Variants in PDZRN3 observed in about 807,000 individuals in gnomAD.
PDZRN3 encodes PDZ domain containing ring finger 3.
In PDZRN3, 38 loss-of-function variants were observed where a neutral mutation model predicts 85.7. The ratio of observed to expected loss-of-function variants is 0.44; its 90% CI spans 0.34 to 0.58. The LOEUF is 0.58. Ranked by LOEUF, PDZRN3 falls within the 20% of genes least tolerant of loss-of-function variation. The probability of loss-of-function intolerance (pLI) is 0.01; values close to 1 mark genes in which losing one functional copy is unlikely to be tolerated. For missense variants in PDZRN3, 1,629 were observed against 1,506.4 expected, an observed-to-expected ratio of 1.08 and a Z score of -1.35; for synonymous variants, 759 against 638.0, an observed-to-expected ratio of 1.19 and a Z score of -2.86.
At chr3:73,562,422 T>C (rs1272487352) in intron 3 of PDZRN3, among the ~76,000 whole-genome samples, 1 of 152,140 alleles carries the variant, frequency 6.6e-6, no homozygotes, top group Non-Finnish European at 1.5e-5. Context: ...TTCATTAGAT[T>C]GAAATTAGAC....
intron 3 of PDZRN3, among the ~76,000 whole-genome samples, chr3:73,425,838 A>T (rs922746392): frequency 6.6e-6 from 1 of 152,236 alleles, no homozygotes; most frequent in Non-Finnish European, 1.5e-5. Flanking sequence ...AAAGCCCCCC[A>T]GATGTGGTGT....
chr3:73,397,961 T>A (rs1689317542), intron 5 of PDZRN3, among the ~76,000 whole-genome samples: 2 of 152,196 alleles, frequency 1.3e-5, no homozygotes, highest in Admixed American at 1.3e-4. Flanking sequence ...TAATGGCTTG[T>A]GAGCTCCTTA....
At chr3:73,399,747 T>C (rs1422183210) in intron 5 of PDZRN3, among the ~76,000 whole-genome samples, 7 of 152,186 alleles carry the variant, frequency 4.6e-5, no homozygotes, top group African/African-American at 1.7e-4. Context: ...ATAGTGAGAA[T>C]ACTGGCCATT....
chr3:73,536,495 T>C (rs779358118), intron 3 of PDZRN3, among the ~76,000 whole-genome samples: 3 of 152,262 alleles, frequency 2.0e-5, no homozygotes, highest in Non-Finnish European at 4.4e-5. Context: ...TGTGTCATTT[T>C]GGAGCATCTG....
intron 1 of PDZRN3, among the ~76,000 whole-genome samples, chr3:73,609,794 C>T (rs1262317915): frequency 6.6e-6 from 1 of 152,182 alleles, no homozygotes; most frequent in Non-Finnish European, 1.5e-5. Context: ...TAAATGGCCA[C>T]ATTGGAAAGG....
intron 5 of PDZRN3, among the ~76,000 whole-genome samples, chr3:73,399,368 T>C (rs1701704131): frequency 6.6e-6 from 1 of 152,286 alleles, no homozygotes; most frequent in Middle Eastern, 3.4e-3. Flanking sequence ...ACTGAGGAAA[T>C]ATAAACAGGT....
At chr3:73,395,537 A>T (rs921118346) in intron 5 of PDZRN3, among the ~76,000 whole-genome samples, 3 of 152,158 alleles carry the variant, frequency 2.0e-5, no homozygotes, top group Non-Finnish European at 2.9e-5. Context: ...GTTGATTCAA[A>T]CTCTCTGTTG....
rs1559644994 is a variant in PDZRN3 at position 73,383,900 on chromosome 3, T to TGCTGGATCAGCTGCA, written c.2651_2665dup (p.Gln888_Gln889insLeuGlnLeuIleGln). The TGCTGGATCAGCTGCA allele has an allele frequency of 6.2e-7, 1 of 1,612,734 alleles. No individual in the cohort carries two copies. The highest frequency in any genetic ancestry group is 2.2e-5 in the East Asian group (1 of 44,842). On this transcript the variant is annotated inframe_insertion, in exon 10 of 10. Coordinates refer to ENST00000263666, the MANE Select transcript of PDZRN3 (RefSeq NM_015009.3). ...TTGCGCGTACTCCACGGCCGACTTC[T>TGCTGGATCAGCTGCA]GCTGGATCAGCTGCATGTAGCTCTG...
intron 3 of PDZRN3, among the ~76,000 whole-genome samples, chr3:73,552,259 TACCCAAAC>T (rs1701581403): frequency 6.9e-6 from 1 of 145,698 alleles, no homozygotes; most frequent in Admixed American, 7.0e-5. Flanking sequence ...TGTGTGTGTG[TACCCAAAC>T]ACCTTAGAAC....
intron 3 of PDZRN3, among the ~76,000 whole-genome samples, chr3:73,433,205 G>C (rs533719848): frequency 6.6e-6 from 1 of 152,348 alleles, no homozygotes; most frequent in East Asian, 1.9e-4. Context: ...CAAGTCAGCA[G>C]AGGGCTTGGG....
Position 73,570,458 on chromosome 3 carries a change from G to A in PDZRN3, c.918+31896C>T, listed in dbSNP as rs149590032. On this transcript the variant is annotated intron_variant, in intron 3 of 9. Coordinates refer to ENST00000263666, the MANE Select transcript of PDZRN3 (RefSeq NM_015009.3). ...GAATTGATTTTTGGTGTTCTGCTAT[G>A]TGGCACAGGAATCCTCACACCTGCA... Among the ~76,000 whole-genome samples the A allele has an allele frequency of 8.8e-3, 1,334 of 152,284 alleles. 23 individuals are homozygous for A. Among genetic ancestry groups the A allele is most frequent in the Non-Finnish European group, 8.2e-3 (559 of 68,032 alleles).
chr3:73,401,978 C>T (rs1017056403), intron 4 of PDZRN3: 2 of 152,222 alleles, frequency 1.3e-5, no homozygotes, highest in African/African-American at 4.8e-5. Context: ...TTTCAATTTT[C>T]TGGACCCATC....
At chr3:73,463,112 G>A (rs200621920) in intron 3 of PDZRN3, among the ~76,000 whole-genome samples, 90 of 152,184 alleles carry the variant, frequency 5.9e-4, no homozygotes, top group African/African-American at 1.9e-3. Flanking sequence ...GGGAAGACTA[G>A]TGTCAAAAAG....
Position 73,384,013 on chromosome 3 carries a change from G to A in PDZRN3, c.2553C>T (p.Pro851=), listed in dbSNP as rs1309531648. Residue 851 remains proline, a synonymous_variant, in exon 10 of 10, where the codon CCC becomes CCT. Transcript: ENST00000263666. ...RASDGSRSPT[P]SQKLGSAYLP... ...GGTAGGCGCTGCCCAGCTTCTGGCT[G>A]GGCGTGGGGCTCCGGCTCCCGTCGC... The A allele has an allele frequency of 6.3e-7, 1 of 1,590,340 alleles. No homozygotes were observed. Among genetic ancestry groups the A allele is most frequent in the Admixed American group, 1.7e-5 (1 of 57,830 alleles).
intron 3 of PDZRN3, among the ~76,000 whole-genome samples, chr3:73,572,104 G>T (rs1193874682): frequency 6.6e-6 from 1 of 152,158 alleles, no homozygotes; most frequent in Non-Finnish European, 1.5e-5. Context: ...AAGCAAGCTG[G>T]AGTGAATAGG....
At chr3:73,497,555 G>A (rs2106675922) in intron 3 of PDZRN3, among the ~76,000 whole-genome samples, 1 of 152,310 alleles carries the variant, frequency 6.6e-6, no homozygotes, top group African/African-American at 2.4e-5. Flanking sequence ...AATTAAAGGT[G>A]ATTATTGCCA....
chr3:73,443,498 T>TGGGG (rs1553689624), intron 3 of PDZRN3, among the ~76,000 whole-genome samples: 8 of 129,096 alleles, frequency 6.2e-5, no homozygotes, highest in African/African-American at 2.0e-4. Context: ...TTTTTTTTTT[T>TGGGG]GGGGGGGGGA....
At chr3:73,578,021 T>A (rs944737334) in intron 3 of PDZRN3, among the ~76,000 whole-genome samples, 7 of 152,228 alleles carry the variant, frequency 4.6e-5, no homozygotes, top group Non-Finnish European at 1.0e-4. Flanking sequence ...TCCGGCCCTT[T>A]ACAGAAGTTT....
chr3:73,452,416 G>C (rs1354070252), intron 3 of PDZRN3, among the ~76,000 whole-genome samples: 4 of 152,192 alleles, frequency 2.6e-5, no homozygotes, highest in Non-Finnish European at 4.4e-5. Flanking sequence ...CTGCCACAGA[G>C]AGTTCTCCAA....
Sources: allele counts gnomAD v4.1 joint callset (sites outside exome capture counted in the v4.1 genomes callset), GRCh38; gene constraint gnomAD v4.1.1; transcripts MANE v1.5; gene names NCBI Gene and HGNC (gene_info 2026-07-23, HGNC 2026-07-21).